Variants in APC observed in about 807,000 individuals in gnomAD.
APC encodes adenomatous polyposis coli protein.
APC carries 72 observed loss-of-function variants against 247.0 expected under a neutral mutation model. The ratio of observed to expected loss-of-function variants is 0.29; its 90% CI spans 0.24 to 0.35. The LOEUF (loss-of-function observed/expected upper bound fraction) is 0.35. Ranked by LOEUF, APC falls within the 10% of genes least tolerant of loss-of-function variation. The pLI, the probability that APC is intolerant of heterozygous loss-of-function variation, is 1.00. For synonymous variants in APC, 1,254 were observed against 1,162.5 expected (o/e 1.08, Z -1.60); for missense variants, 3,400 against 3,360.7 (o/e 1.01, Z -0.29).
At chr5:112,713,029 G>A (rs960409464) in intron 1 of APC, among the ~76,000 whole-genome samples, 1 of 152,016 alleles carries the variant, frequency 6.6e-6, no homozygotes, top group African/African-American at 2.4e-5. Flanking sequence ...AAATTAGCCG[G>A]GTATGGTGGC....
chr5:112,772,169 G>C (rs1757129201), intron 4 of APC, among the ~76,000 whole-genome samples: 1 of 152,142 alleles, frequency 6.6e-6, no homozygotes, highest in Non-Finnish European at 1.5e-5. Context: ...AAGAAGACAT[G>C]AGATTTATGT....
At chr5:112,734,876 C>G (rs1752293462), upstream of APC, among the ~76,000 whole-genome samples, 1 of 146,906 alleles carries the variant, frequency 6.8e-6, no homozygotes, top group Non-Finnish European at 1.5e-5. Context: ...CTGCAGCCCC[C>G]ACCTCCCAGG....
intron 2 of APC, among the ~76,000 whole-genome samples, chr5:112,764,052 A>G (rs897964845): frequency 4.0e-5 from 6 of 149,536 alleles, no homozygotes; most frequent in African/African-American, 1.5e-4. Flanking sequence ...CCTGGCTAAC[A>G]CGGTGAAACC....
Position 112,805,876 on chromosome 5 carries a change from A to G in APC, c.834+4493A>G, listed in dbSNP as rs79841887. Reference sequence around the variant, plus strand: ...TCTCTCACCTGGTTTCCTGCCCACAATCATTCTCTTTGAAAAATCCTTCAT... The same window carrying G: ...TCTCTCACCTGGTTTCCTGCCCACAGTCATTCTCTTTGAAAAATCCTTCAT... On this transcript the variant is annotated intron_variant, in intron 8 of 15. Transcript: ENST00000257430. Among the ~76,000 whole-genome samples the G allele has an allele frequency of 3.9e-4, 60 of 152,268 alleles. No individual in the cohort carries two copies. The East Asian group carries it at 9.8e-3, about 25-fold the overall frequency.
At chr5:112,821,279 G>A (rs1172483082) in intron 10 of APC, among the ~76,000 whole-genome samples, 1 of 152,070 alleles carries the variant, frequency 6.6e-6, no homozygotes, top group Non-Finnish European at 1.5e-5. Flanking sequence ...GCCCGGGCAG[G>A]AGCGGCACTT....
At chr5:112,812,488 C>T (rs906001512) in intron 8 of APC, among the ~76,000 whole-genome samples, 1 of 152,166 alleles carries the variant, frequency 6.6e-6, no homozygotes, top group Admixed American at 6.5e-5. Flanking sequence ...TTCCTCTCCA[C>T]ACACACACAA....
At chr5:112,799,651 T>C (rs1580449250) in intron 7 of APC, among the ~76,000 whole-genome samples, 1 of 152,198 alleles carries the variant, frequency 6.6e-6, no homozygotes, top group African/African-American at 2.4e-5. Flanking sequence ...GGGGCAATCA[T>C]GCAGTGGCCT....
intron 8 of APC, among the ~76,000 whole-genome samples, chr5:112,808,865 G>C (rs1455511057): frequency 1.3e-5 from 2 of 152,198 alleles, no homozygotes; most frequent in African/African-American, 4.8e-5. Flanking sequence ...GTCAAGCTTA[G>C]GGATTGGATA....
intron 2 of APC, among the ~76,000 whole-genome samples, chr5:112,765,302 C>T (rs2149780153): frequency 6.6e-6 from 1 of 152,114 alleles, no homozygotes; most frequent in Middle Eastern, 3.4e-3. Flanking sequence ...TTTGTAGGGA[C>T]AGAGTCTCGC....
intron 1 of APC, among the ~76,000 whole-genome samples, chr5:112,718,366 A>G (rs1336191172): frequency 6.6e-6 from 1 of 152,174 alleles, no homozygotes; most frequent in Admixed American, 6.5e-5. Context: ...GAAATTTCAA[A>G]TCTTTAACTT....
At chr5:112,787,807 A>G (rs1277850635) in intron 6 of APC, among the ~76,000 whole-genome samples, 4 of 152,306 alleles carry the variant, frequency 2.6e-5, no homozygotes, top group Middle Eastern at 3.4e-3. Context: ...TGCCAGATTT[A>G]TACATCTTTT....
rs749224104 is a variant in APC, at chr5:112,840,125, C to T, written c.4531C>T (p.Leu1511Phe). The change falls in exon 16 of 16, where the codon CTC becomes TTC. Residue 1511 changes from leucine to phenylalanine, a missense_variant. By Grantham distance (22) the Leu-to-Phe change is conservative. Around this residue, in one of 9 missense-constraint regions of APC, gnomAD observed 1,788 missense variants for 1,649.5 expected, o/e 1.08. Transcript: ENST00000257430. The surrounding 1 kb of genome is among the most constrained non-coding windows in gnomAD (Gnocchi z 4.1). ...SCSSSLSALS[L>F]DEPFIQKDVE... The stretch of plus-strand genomic sequence containing the variant: ...TTCATCCAGCCTGAGTGCTCTGAGC[C>T]TCGATGAGCCATTTATACAGAAAGA... 4.3e-6 allele frequency: 7 copies of T among 1,614,082 alleles called. No individual in the cohort carries two copies. The highest frequency in any genetic ancestry group is 5.9e-6 in the Non-Finnish European group (7 of 1,180,010).
rs1292101589 is a variant in APC, at chr5:112,749,911, G to GT, written c.-18-4949dup. Among the ~76,000 whole-genome samples the GT allele has an allele frequency of 3.7e-3, 409 of 110,760 alleles. 2 individuals carry two copies. Among genetic ancestry groups the GT allele is most frequent in the African/African-American group, 0.013 (366 of 27,158 alleles). 72.7% of individuals were successfully genotyped at this position (110,760 alleles called of 152,430 possible). On this transcript the variant is annotated intron_variant, in intron 1 of 15. Coordinates refer to ENST00000257430, the MANE Select transcript of APC (RefSeq NM_000038.6). Reference sequence around the variant, plus strand: ...TTCCTGTCTCTAATCATACTTAGTTGTTTTTTTTTTTTTAAATCCAACTTT... The same window carrying GT: ...TTCCTGTCTCTAATCATACTTAGTTGTTTTTTTTTTTTTTAAATCCAACTTT...
intron 1 of APC, among the ~76,000 whole-genome samples, chr5:112,732,187 T>C (rs1007084183): frequency 1.3e-5 from 2 of 152,256 alleles, no homozygotes; most frequent in African/African-American, 4.8e-5. Context: ...TGTAAGCAAG[T>C]CCTGAGGCTG....
chr5:112,799,705 A>G (rs999461922), intron 7 of APC, among the ~76,000 whole-genome samples: 6 of 152,240 alleles, frequency 3.9e-5, no homozygotes, highest in Non-Finnish European at 7.3e-5. Context: ...CCATCTAAGA[A>G]TCGCAGAAAA....
chr5:112,810,010 A>G (rs972073081), intron 8 of APC: 1 of 362,916 alleles, frequency 2.8e-6, no homozygotes, highest in Admixed American at 3.5e-5. Flanking sequence ...AAAAAAGTAG[A>G]AGAGAGCAAT....
At chr5:112,763,931 G>T (rs1755956271) in intron 2 of APC, among the ~76,000 whole-genome samples, 1 of 152,112 alleles carries the variant, frequency 6.6e-6, no homozygotes, top group Admixed American at 6.6e-5. Flanking sequence ...CTTTGGAGAA[G>T]AATCTTACAA....
At chr5:112,793,555 G>T (rs1580428507) in intron 7 of APC, among the ~76,000 whole-genome samples, 1 of 152,256 alleles carries the variant, frequency 6.6e-6, no homozygotes, top group East Asian at 1.9e-4. Flanking sequence ...GGGTAATATA[G>T]TTGACAAAAT....
intron 1 of APC, among the ~76,000 whole-genome samples, chr5:112,712,309 C>G (rs1050188911): frequency 6.6e-6 from 1 of 152,094 alleles, no homozygotes; most frequent in Admixed American, 6.5e-5. Context: ...TATATACTAC[C>G]CTAAGTTTAA....
Sources: allele counts gnomAD v4.1 joint callset (sites outside exome capture counted in the v4.1 genomes callset), GRCh38; gene constraint gnomAD v4.1.1; regional missense constraint gnomAD v4.1.1; non-coding constraint Gnocchi (gnomAD v3.1); transcripts MANE v1.5; gene names NCBI Gene and HGNC (gene_info 2026-07-23, HGNC 2026-07-21).